The following RANBP17 variants were observed in gnomAD, a reference collection of about 807,000 sequenced individuals.
RANBP17 encodes RAN binding protein 17, also known as ran-binding protein 17.
In RANBP17, 158 loss-of-function variants were observed where a neutral mutation model predicts 141.2. The ratio of observed to expected loss-of-function variants is 1.12; its 90% CI spans 0.98 to 1.28. The LOEUF is 1.28. RANBP17 is among the 50% of genes most tolerant of loss of function. The probability of loss-of-function intolerance (pLI) is 0.00; values close to 1 mark genes in which losing one functional copy is unlikely to be tolerated. For missense variants in RANBP17, 1,438 were observed against 1,290.7 expected, an observed-to-expected ratio of 1.11 and a Z score of -1.75; for synonymous variants, 430 against 450.0, an observed-to-expected ratio of 0.96 and a Z score of 0.56.
At chr5:171,047,442 G>GTTTTT (rs60072803) in intron 14 of RANBP17, among the ~76,000 whole-genome samples, 2 of 129,450 alleles carry the variant, frequency 1.5e-5, no homozygotes, top group African/African-American at 3.0e-5. Context: ...TTTTTGTTTT[G>GTTTTT]TTTTTTTTTT....
intron 1 of RANBP17, among the ~76,000 whole-genome samples, chr5:170,872,236 C>T (rs1158091323): frequency 6.6e-6 from 1 of 152,080 alleles, no homozygotes; most frequent in Non-Finnish European, 1.5e-5. Context: ...CCCTCACATC[C>T]CTTGCTGTAT....
At chr5:170,924,572 A>G (rs1345918265) in intron 12 of RANBP17, 22 bp downstream of exon 12, 3 of 1,458,240 alleles carry the variant, frequency 2.1e-6, no homozygotes, top group Non-Finnish European at 2.9e-6. Context: ...TTATATGACT[A>G]CTGAGTATTA....
rs372455799 is a variant in RANBP17, at chr5:171,298,881, G to A, written c.*23G>A. 1.5e-5 allele frequency: 24 copies of A among 1,587,292 alleles called. No homozygotes were observed. The Admixed American group carries it at 2.2e-4, about 14-fold the overall frequency. ...TGACCCGACTTTTCTGACCATGTGC[G>A]GAGCAGCCTTTATCAAGAGACTCCT... On this transcript the variant is annotated 3_prime_UTR_variant, in exon 28 of 28. Transcript: ENST00000523189.
chr5:170,950,568 T>G (rs1775131594), intron 12 of RANBP17, among the ~76,000 whole-genome samples: 1 of 151,988 alleles, frequency 6.6e-6, no homozygotes, highest in South Asian at 2.1e-4. Flanking sequence ...TGATTATTAT[T>G]AAACAGAAAA....
intron 14 of RANBP17, among the ~76,000 whole-genome samples, chr5:171,023,913 A>G (rs968966734): frequency 6.6e-6 from 1 of 152,188 alleles, no homozygotes; most frequent in South Asian, 2.1e-4. Flanking sequence ...CAAAAGTGTT[A>G]CTTCATATAT....
intron 20 of RANBP17, chr5:171,207,066 A>G (rs1003143382): frequency 2.4e-5 from 4 of 166,726 alleles, no homozygotes; most frequent in African/African-American, 7.2e-5. Context: ...GGCTCAAGCG[A>G]TCCTCCCACC....
At chr5:170,937,550 C>T (rs1773981209) in intron 12 of RANBP17, among the ~76,000 whole-genome samples, 1 of 152,124 alleles carries the variant, frequency 6.6e-6, no homozygotes, top group Non-Finnish European at 1.5e-5. Context: ...CATTTGGTAC[C>T]TTTGTGCAAA....
chr5:171,171,544 C>T (rs1760100105), intron 16 of RANBP17, among the ~76,000 whole-genome samples: 1 of 151,720 alleles, frequency 6.6e-6, no homozygotes, highest in African/African-American at 2.4e-5. Context: ...TTATACTCAC[C>T]CAGGCTAATA....
chr5:171,222,650 G>A (rs565006700), intron 22 of RANBP17, among the ~76,000 whole-genome samples: 85 of 151,368 alleles, frequency 5.6e-4, no homozygotes, highest in African/African-American at 1.6e-3. Flanking sequence ...TTTTTGAGAC[G>A]GAGTCTCACT....
chr5:170,936,158 G>C (rs1773856339), intron 12 of RANBP17, among the ~76,000 whole-genome samples: 1 of 152,150 alleles, frequency 6.6e-6, no homozygotes, highest in Admixed American at 6.5e-5. Flanking sequence ...GCAGTATTAG[G>C]GTGAGAGTGT....
chr5:171,021,587 C>G (rs188984965), intron 14 of RANBP17, among the ~76,000 whole-genome samples: 6 of 152,146 alleles, frequency 3.9e-5, no homozygotes, highest in Non-Finnish European at 7.4e-5. Flanking sequence ...ATATGCTTCA[C>G]GAAGTTCTCC....
chr5:170,877,720 T>C (rs1327130731), intron 1 of RANBP17, among the ~76,000 whole-genome samples: 2 of 152,210 alleles, frequency 1.3e-5, no homozygotes, highest in Admixed American at 1.3e-4. Context: ...AATTCCACTC[T>C]ACTGAAGGAC....
chr5:171,020,068 T>G (rs1780744513), intron 14 of RANBP17, among the ~76,000 whole-genome samples: 1 of 152,214 alleles, frequency 6.6e-6, no homozygotes, highest in African/African-American at 2.4e-5. Context: ...AGTTTCCATG[T>G]AATTGTGTGG....
intron 24 of RANBP17, among the ~76,000 whole-genome samples, chr5:171,253,436 A>G (rs1765701585): frequency 6.6e-6 from 1 of 152,220 alleles, no homozygotes; most frequent in Non-Finnish European, 1.5e-5. Context: ...TCTTTTCAAG[A>G]GTAAACCAGA....
intron 1 of RANBP17, among the ~76,000 whole-genome samples, chr5:170,862,633 C>T (rs1220422848): frequency 1.3e-5 from 2 of 152,082 alleles, no homozygotes; most frequent in Non-Finnish European, 2.9e-5. Context: ...GGCTACGCGG[C>T]CGCCTCTTCG....
chr5:170,959,363 G>A (rs1164778342), intron 13 of RANBP17, among the ~76,000 whole-genome samples: 1 of 152,130 alleles, frequency 6.6e-6, no homozygotes, highest in Non-Finnish European at 1.5e-5. Flanking sequence ...CAAGGCCCTT[G>A]TGATGGCCCA....
At chr5:171,091,308 G>A (rs1786252728) in intron 14 of RANBP17, among the ~76,000 whole-genome samples, 1 of 152,192 alleles carries the variant, frequency 6.6e-6, no homozygotes, top group African/African-American at 2.4e-5. Context: ...TTTCAGATTT[G>A]CATGGGGCGT....
chr5:170,967,436 T>C (rs1047687285), intron 13 of RANBP17, among the ~76,000 whole-genome samples: 1 of 152,024 alleles, frequency 6.6e-6, no homozygotes, highest in Non-Finnish European at 1.5e-5. Context: ...ATTATTATAT[T>C]ATATTCATTT....
At chr5:171,292,981 TCTCTC>T (rs1768588807) in intron 25 of RANBP17, among the ~76,000 whole-genome samples, 1 of 152,162 alleles carries the variant, frequency 6.6e-6, no homozygotes. Flanking sequence ...CCACCTCTCT[TCTCTC>T]CTGTCATGCT....
Sources: allele counts gnomAD v4.1 joint callset (sites outside exome capture counted in the v4.1 genomes callset), GRCh38; gene constraint gnomAD v4.1.1; transcripts MANE v1.5; gene names NCBI Gene and HGNC (gene_info 2026-07-23, HGNC 2026-07-21).